The following ZC3H11A variants were observed in gnomAD, a reference collection of about 807,000 sequenced individuals.
The protein encoded by ZC3H11A is zinc finger CCCH domain-containing protein 11A.
In ZC3H11A, 22 loss-of-function variants were observed where a neutral mutation model predicts 90.8. The ratio of observed to expected loss-of-function variants is 0.24; its 90% CI spans 0.17 to 0.35. ZC3H11A has a LOEUF of 0.35. ZC3H11A is among the 10% of genes least tolerant of loss of function. The pLI, the probability that ZC3H11A is intolerant of heterozygous loss-of-function variation, is 1.00. For synonymous variants in ZC3H11A, 294 were observed against 339.8 expected (o/e 0.87, Z 1.48); for missense variants, 701 against 964.9 (o/e 0.73, Z 3.62).
chr1:203,842,346 C>T (rs190705015), intron 12 of ZC3H11A, among the ~76,000 whole-genome samples: 2,682 of 152,294 alleles, frequency 0.018, 74 homozygotes, highest in African/African-American at 0.057. Context: ...TCTGCAATCC[C>T]GGCACCTCGG....
intron 2 of ZC3H11A, among the ~76,000 whole-genome samples, chr1:203,804,385 C>T (rs1394409870): frequency 6.6e-6 from 1 of 152,036 alleles, no homozygotes; most frequent in African/African-American, 2.4e-5. Context: ...ATCTCCTGAC[C>T]TCGTGATCCG....
chr1:203,806,752 GTGAT>G (rs1443425064), intron 2 of ZC3H11A, among the ~76,000 whole-genome samples: 1 of 149,766 alleles, frequency 6.7e-6, no homozygotes, highest in African/African-American at 2.4e-5. Context: ...ATGATTTCTG[GTGAT>G]TATGTGCATT....
rs1572380265 is a variant in ZC3H11A at position 203,850,434 on chromosome 1, T to A, written c.1940-81T>A. Reference sequence around the variant, plus strand: ...TGTGGTATTTCTAGTACTGAAGGAGTTTTGATATTTTATTCTGAATTATTC... The same window carrying A: ...TGTGGTATTTCTAGTACTGAAGGAGATTTGATATTTTATTCTGAATTATTC... On this transcript the variant is annotated intron_variant, in intron 15 of 17. Transcript: ENST00000367210. 6 of 1,556,444 alleles carry A rather than the reference T, an allele frequency of 3.9e-6. No homozygotes were observed. The Admixed American group carries it at 1.0e-4, about 26-fold the overall frequency.
At chr1:203,850,187 C>A in intron 15 of ZC3H11A, 161 bp downstream of exon 15, 1 of 700,294 alleles carries the variant, frequency 1.4e-6, no homozygotes, top group Non-Finnish European at 2.4e-6. Flanking sequence ...AGAGGCAAAA[C>A]GAGATGAATT....
chr1:203,848,478 C>G lies in ZC3H11A; in HGVS notation c.1623+71C>G, dbSNP rs865868933. ...CTAGATAATTGGTAGTTTTACCTTA[C>G]AATAAATTTCTAAGTACTTCATTCA... On this transcript the variant is annotated intron_variant, in intron 14 of 17. Transcript: ENST00000367210. 2.6e-6 allele frequency: 3 copies of G among 1,160,328 alleles called. No homozygotes were observed. In the African/African-American group the frequency reaches 4.7e-5, roughly 18 times the overall value. 71.9% of individuals were successfully genotyped at this position (1,160,328 alleles called of 1,614,324 possible). A position where few individuals can be genotyped will look rare whatever the true frequency, so the allele number is the denominator to read the frequency against.
chr1:203,851,408 C>T (rs1689225261), intron 17 of ZC3H11A, among the ~76,000 whole-genome samples: 2 of 152,150 alleles, frequency 1.3e-5, no homozygotes, highest in African/African-American at 4.8e-5. Context: ...CTGCTCACTG[C>T]AACCTCCACT....
chr1:203,840,244 G>A (rs1685681231), intron 11 of ZC3H11A, 62 bp from the exon 12 acceptor site: 2 of 1,536,388 alleles, frequency 1.3e-6, no homozygotes, highest in African/African-American at 1.4e-5. Flanking sequence ...CAGCAAACCT[G>A]TATTTAAGCT....
chr1:203,804,826 C>G (rs1270484202), intron 2 of ZC3H11A, among the ~76,000 whole-genome samples: 1 of 151,924 alleles, frequency 6.6e-6, no homozygotes, highest in African/African-American at 2.4e-5. Context: ...GCGCATGCCA[C>G]CATGCCCGGC....
intron 4 of ZC3H11A, among the ~76,000 whole-genome samples, chr1:203,819,785 C>T (rs561261388): frequency 1.8e-4 from 25 of 142,822 alleles, no homozygotes; most frequent in South Asian, 1.2e-3. Context: ...CCACTTGCCT[C>T]GGCCTCCCAA....
At chr1:203,840,462 A>C in intron 12 of ZC3H11A, 88 bp downstream of exon 12, 1 of 1,337,368 alleles carries the variant, frequency 7.5e-7, no homozygotes, top group South Asian at 1.3e-5. Flanking sequence ...GTTGCTTGCT[A>C]GGGCTTTTGA....
At chr1:203,798,251 AAG>A (rs1669305229) in intron 1 of ZC3H11A, 2 of 1,536,152 alleles carry the variant, frequency 1.3e-6, no homozygotes, top group Non-Finnish European at 1.7e-6. Context: ...TAAGGGCAGA[AAG>A]AGGGAGATTT....
intron 4 of ZC3H11A, among the ~76,000 whole-genome samples, chr1:203,822,219 A>G (rs529501722): frequency 3.3e-5 from 5 of 152,102 alleles, no homozygotes; most frequent in African/African-American, 9.6e-5. Flanking sequence ...TAATACTTTT[A>G]TTTATTTGAT....
intron 4 of ZC3H11A, among the ~76,000 whole-genome samples, chr1:203,820,935 C>T (rs1678436437): frequency 6.6e-6 from 1 of 152,080 alleles, no homozygotes; most frequent in South Asian, 2.1e-4. Flanking sequence ...TGGAGAGGTA[C>T]TTTTAGACCC....
In ZC3H11A at chr1:203,818,577, G is replaced by C. The variant is rs1365874924; in HGVS notation, c.62G>C (p.Ser21Thr). Residue 21 changes from serine (S) to threonine (T), a missense_variant, in exon 4 of 18, where the codon AGC (serine) becomes ACC (threonine). This residue lies in a region of ZC3H11A where 59 missense variants were observed against 132.8 expected (regional missense o/e 0.44). Transcript: ENST00000367210. ...TTCTCTATTTGTTTACAGGGTGACA[G>C]CTGCCCATTCCGTCACTGTGAAGCT... ...FFYSTCTKGDSCPFRHCEAAI... is the reference protein window; with the variant it reads ...FFYSTCTKGDTCPFRHCEAAI... 1 of 1,613,994 alleles carries C rather than the reference G, an allele frequency of 6.2e-7. No individual in the cohort carries two copies. The highest frequency in any genetic ancestry group is 8.5e-7 in the Non-Finnish European group (1 of 1,179,942).
chr1:203,799,226 T>C (rs1485040085), intron 1 of ZC3H11A: 3 of 886,232 alleles, frequency 3.4e-6, no homozygotes, highest in Non-Finnish European at 5.4e-6. Flanking sequence ...ATTCCTCTAA[T>C]GTGGTACATG....
intron 9 of ZC3H11A, 70 bp downstream of exon 9, chr1:203,831,841 G>T: frequency 7.9e-7 from 1 of 1,272,048 alleles, no homozygotes; most frequent in South Asian, 1.4e-5. Context: ...AAAATCCTTG[G>T]GTATCTTTTA....
Position 203,852,124 on chromosome 1 carries a change from T to A in ZC3H11A, c.2175-17T>A. ...TTTTAAAACGGCAGTTTTCTAATAATCTTTTTTTTCTTACAGTCTTGTGCT... is the reference window on the plus strand; with the variant it reads ...TTTTAAAACGGCAGTTTTCTAATAAACTTTTTTTTCTTACAGTCTTGTGCT... On this transcript the variant is annotated splice_polypyrimidine_tract_variant and intron_variant, in intron 17 of 17. Transcript: ENST00000367210. The A allele has an allele frequency of 6.2e-7, 1 of 1,613,082 alleles. No individual in the cohort carries two copies. The highest frequency in any genetic ancestry group is 8.5e-7 in the Non-Finnish European group (1 of 1,179,730).
intron 13 of ZC3H11A, 55 bp downstream of exon 13, chr1:203,847,742 G>A: frequency 6.4e-7 from 1 of 1,562,884 alleles, no homozygotes; most frequent in Non-Finnish European, 8.6e-7. Flanking sequence ...TTCCAGAGGA[G>A]TGTTCCGTGG....
chr1:203,827,183 A>G (rs935113023), intron 4 of ZC3H11A, among the ~76,000 whole-genome samples: 3 of 152,120 alleles, frequency 2.0e-5, no homozygotes, highest in Non-Finnish European at 4.4e-5. Context: ...TTCTTTATCC[A>G]TTCTAGTATT....
Sources: allele counts gnomAD v4.1 joint callset (sites outside exome capture counted in the v4.1 genomes callset), GRCh38; gene constraint gnomAD v4.1.1; regional missense constraint gnomAD v4.1.1; transcripts MANE v1.5; gene names NCBI Gene and HGNC (gene_info 2026-07-23, HGNC 2026-07-21).